Variants in KLHL6 observed in about 807,000 individuals in gnomAD.
KLHL6 encodes kelch-like protein 6.
KLHL6 carries 41 observed loss-of-function variants against 58.6 expected under a neutral mutation model. That is an observed-to-expected ratio of 0.70 (90% confidence interval 0.55 to 0.91). The LOEUF (loss-of-function observed/expected upper bound fraction) is 0.91, where lower values mean the gene tolerates loss of function less well. Ranked by LOEUF, KLHL6 falls within the 40% of genes least tolerant of loss-of-function variation. KLHL6 has a pLI of 0.00. For missense variants in KLHL6, 714 were observed against 805.6 expected (o/e 0.89, Z 1.38); for synonymous variants, 338 against 322.7 (o/e 1.05, Z -0.51).
rs1488748511 is a variant in KLHL6 at position 183,490,212 on chromosome 3, T to G, written c.*1715A>C. 1 of 152,148 alleles carries G rather than the reference T, an allele frequency of 6.6e-6. No individual in the cohort carries two copies. The highest frequency in any genetic ancestry group is 2.4e-5 in the African/African-American group (1 of 41,434). 9.4% of individuals were successfully genotyped at this position (152,148 alleles called of 1,614,324 possible). A position where few individuals can be genotyped will look rare whatever the true frequency, so the allele number is the denominator to read the frequency against. ...TGATCAAAAAACCAAGTAGAAGTGC[T>G]TTTTAAAAGTCTTGAAAACGAAGGC... On this transcript the variant is annotated 3_prime_UTR_variant, in exon 7 of 7. Coordinates refer to ENST00000341319, the MANE Select transcript of KLHL6 (RefSeq NM_130446.4).
Position 183,490,842 on chromosome 3 carries a change from T to A in KLHL6, c.*1085A>T, listed in dbSNP as rs1033404036. The A allele has an allele frequency of 2.9e-4, 43 of 149,600 alleles. No homozygotes were observed. Among genetic ancestry groups the A allele is most frequent in the African/African-American group, 9.8e-4 (40 of 40,756 alleles). 9.3% of individuals were successfully genotyped at this position (149,600 alleles called of 1,614,324 possible). A position where few individuals can be genotyped will look rare whatever the true frequency, so the allele number is the denominator to read the frequency against. On this transcript the variant is annotated 3_prime_UTR_variant, in exon 7 of 7. Transcript: ENST00000341319. ...CAATGGGAGGAGGACAGAACACAAG[T>A]ATTTCATCTCTTTCAAAGCAAACAG... is the stretch of plus-strand genomic sequence containing the variant.
At chr3:183,526,388 T>C (rs1460553648) in intron 2 of KLHL6, among the ~76,000 whole-genome samples, 1 of 152,228 alleles carries the variant, frequency 6.6e-6, no homozygotes, top group Non-Finnish European at 1.5e-5. Context: ...TCCCTTATGA[T>C]GCCGTGAAGC....
At chr3:183,544,059 C>T (rs184290477) in intron 1 of KLHL6, among the ~76,000 whole-genome samples, 7 of 148,206 alleles carry the variant, frequency 4.7e-5, no homozygotes, top group African/African-American at 7.5e-5. Flanking sequence ...GCTACTCGGG[C>T]GGCTGAGGCA....
At chr3:183,548,980 A>G (rs1712817665) in intron 1 of KLHL6, 1 of 151,526 alleles carries the variant, frequency 6.6e-6, no homozygotes, top group Admixed American at 6.6e-5. Context: ...GAACAACACA[A>G]CCCGTGGCCT....
At chr3:183,527,713 T>G in intron 2 of KLHL6, 132 bp downstream of exon 2, 1 of 724,250 alleles carries the variant, frequency 1.4e-6, no homozygotes, top group Non-Finnish European at 2.3e-6. Context: ...TGTGTGTGTG[T>G]GTTTGTGTGC....
intron 2 of KLHL6, among the ~76,000 whole-genome samples, chr3:183,524,827 G>A (rs547208009): frequency 1.1e-4 from 17 of 152,322 alleles, no homozygotes; most frequent in Non-Finnish European, 2.1e-4. Context: ...TCCCACAGAG[G>A]TGGTACTGAC....
chr3:183,525,561 A>G (rs1286513641), intron 2 of KLHL6, among the ~76,000 whole-genome samples: 2 of 152,218 alleles, frequency 1.3e-5, no homozygotes, highest in African/African-American at 4.8e-5. Flanking sequence ...AAAAATCTGA[A>G]TCTCAGAAAA....
chr3:183,512,825 T>A (rs564977904), intron 2 of KLHL6, among the ~76,000 whole-genome samples: 135 of 151,360 alleles, frequency 8.9e-4, no homozygotes, highest in Non-Finnish European at 1.1e-3. Flanking sequence ...TAAATAAATA[T>A]ATATATAAAA....
chr3:183,526,308 T>A (rs1477883298), intron 2 of KLHL6, among the ~76,000 whole-genome samples: 1 of 152,132 alleles, frequency 6.6e-6, no homozygotes, highest in South Asian at 2.1e-4. Context: ...TGAAACTCCA[T>A]CTCAAATAAA....
rs1718076457 is a variant in KLHL6 at position 183,508,380 on chromosome 3, G to A, written c.588C>T (p.Tyr196=). 1 of 1,614,092 alleles carries A rather than the reference G, an allele frequency of 6.2e-7. No individual in the cohort carries two copies. Among genetic ancestry groups the A allele is most frequent in the Non-Finnish European group, 8.5e-7 (1 of 1,180,044 alleles). Residue 196 remains tyrosine (Y), a synonymous_variant, in exon 3 of 7, where the codon TAC becomes TAT. Coordinates refer to ENST00000341319, the MANE Select transcript of KLHL6 (RefSeq NM_130446.4). The part of the protein sequence containing the change: ...LDSLKKQVQS[Y]IIQNFVQILN... ...GAATCTGCACAAAGTTTTGAATGAT[G>A]TAACTCTGAACCTGCTTCTTTAGAC...
intron 3 of KLHL6, among the ~76,000 whole-genome samples, chr3:183,506,829 A>AAAAT (rs144672351): frequency 0.035 from 5,025 of 143,762 alleles, 92 homozygotes; most frequent in East Asian, 0.052. Flanking sequence ...CCTCCTCTCA[A>AAAAT]AAATAAATAA....
Position 183,528,596 on chromosome 3 carries a change from G to A in KLHL6, c.294-586C>T, listed in dbSNP as rs151074617. ...CCTTTCCTGCTCCCTCCCCACGGCT[G>A]GACTTCCAGATATTTAGCCGCCATC... is the stretch of plus-strand genomic sequence containing the variant. On this transcript the variant is annotated intron_variant, in intron 1 of 6. Coordinates refer to ENST00000341319, the MANE Select transcript of KLHL6 (RefSeq NM_130446.4). Among the ~76,000 whole-genome samples the A allele has an allele frequency of 2.4e-3, 368 of 152,298 alleles. 3 individuals are homozygous for A. Among genetic ancestry groups the A allele is most frequent in the African/African-American group, 7.7e-3 (318 of 41,558 alleles).
chr3:183,544,677 T>G (rs1712658588), intron 1 of KLHL6: 1 of 151,846 alleles, frequency 6.6e-6, no homozygotes, highest in Non-Finnish European at 1.5e-5. Context: ...AATCATGTGA[T>G]TCAGGCGGGA....
intron 1 of KLHL6, among the ~76,000 whole-genome samples, chr3:183,532,295 A>G (rs1238801823): frequency 1.3e-5 from 2 of 152,248 alleles, no homozygotes; most frequent in African/African-American, 4.8e-5. Context: ...TCTGCAAGCC[A>G]GGAAGGGAGC....
At chr3:183,495,557 A>G (rs912811568) in intron 4 of KLHL6, among the ~76,000 whole-genome samples, 1 of 145,178 alleles carries the variant, frequency 6.9e-6, no homozygotes, top group Non-Finnish European at 1.5e-5. Context: ...CCTTTATTAA[A>G]ACCTATGATT....
intron 5 of KLHL6, chr3:183,493,734 G>A (rs978672014): frequency 3.6e-5 from 11 of 309,446 alleles, no homozygotes; most frequent in Admixed American, 1.9e-4. Flanking sequence ...AAGAATAGGA[G>A]AGAAGGCATC....
Position 183,510,053 on chromosome 3 carries a change from G to A in KLHL6, c.460-1545C>T, listed in dbSNP as rs142387315. ...ATAAAAATTCAAGTCCCTTGTGCTT[G>A]TAGGGCACTTTACAGATGACAAAGC... On this transcript the variant is annotated intron_variant, in intron 2 of 6. Coordinates refer to ENST00000341319, the MANE Select transcript of KLHL6 (RefSeq NM_130446.4). Among the ~76,000 whole-genome samples the A allele has an allele frequency of 3.3e-3, 504 of 152,260 alleles. 8 individuals are homozygous for A. In the East Asian group the frequency reaches 0.044, roughly 13 times the overall value.
chr3:183,496,087 A>G (rs1395506416), intron 4 of KLHL6, among the ~76,000 whole-genome samples: 2 of 152,174 alleles, frequency 1.3e-5, no homozygotes, highest in Non-Finnish European at 2.9e-5. Context: ...TAAGCATGAC[A>G]TGAATGTAGA....
intron 3 of KLHL6, among the ~76,000 whole-genome samples, chr3:183,503,336 A>G (rs59149667): frequency 0.03 from 4,644 of 152,358 alleles, 207 homozygotes; most frequent in East Asian, 0.19. Context: ...AGGCAGTTAA[A>G]TGAAGAGGCA....
Sources: allele counts gnomAD v4.1 joint callset (sites outside exome capture counted in the v4.1 genomes callset), GRCh38; gene constraint gnomAD v4.1.1; transcripts MANE v1.5; gene names NCBI Gene and HGNC (gene_info 2026-07-23, HGNC 2026-07-21).